The following SLC12A8 variants were observed in gnomAD, a reference collection of about 807,000 sequenced individuals.
SLC12A8 encodes cation-chloride cotransporter 9.
SLC12A8 carries 69 observed loss-of-function variants against 75.6 expected under a neutral mutation model. The observed-to-expected ratio is 0.91, with a 90% CI of 0.75 to 1.11. The LOEUF (loss-of-function observed/expected upper bound fraction) is 1.11. SLC12A8 is among the 50% of genes most tolerant of loss of function. SLC12A8 has a pLI of 0.00. For synonymous variants in SLC12A8, 365 were observed against 372.8 expected (o/e 0.98, Z 0.24); for missense variants, 877 against 896.7 (o/e 0.98, Z 0.28).
intron 5 of SLC12A8, among the ~76,000 whole-genome samples, chr3:125,168,035 A>G (rs955239330): frequency 1.3e-5 from 2 of 152,040 alleles, no homozygotes; most frequent in African/African-American, 2.4e-5. Flanking sequence ...ATCTGGCTTC[A>G]GTGCATAGGA....
chr3:125,202,505 T>C (rs1418908803), intron 2 of SLC12A8, among the ~76,000 whole-genome samples: 1 of 152,132 alleles, frequency 6.6e-6, no homozygotes, highest in Non-Finnish European at 1.5e-5. Flanking sequence ...CCCCAGACGA[T>C]TAAATGATGG....
chr3:125,168,009 T>C (rs1934328265), intron 5 of SLC12A8, among the ~76,000 whole-genome samples: 2 of 152,200 alleles, frequency 1.3e-5, no homozygotes, highest in African/African-American at 4.8e-5. Flanking sequence ...GGCAAAGCAC[T>C]GTTTTACGAA....
chr3:125,193,551 C>A (rs1281428933), intron 2 of SLC12A8, among the ~76,000 whole-genome samples: 1 of 152,204 alleles, frequency 6.6e-6, no homozygotes, highest in African/African-American at 2.4e-5. Flanking sequence ...CTCTGTCCTG[C>A]GTGCTCTCCC....
chr3:125,147,265 G>A (rs1260124065), intron 5 of SLC12A8, among the ~76,000 whole-genome samples: 7 of 152,168 alleles, frequency 4.6e-5, no homozygotes, highest in African/African-American at 1.2e-4. Flanking sequence ...AATGAGAGCC[G>A]GCCTTGAGTG....
chr3:125,135,145 G>A (rs909691681), intron 6 of SLC12A8, among the ~76,000 whole-genome samples: 21 of 152,160 alleles, frequency 1.4e-4, no homozygotes, highest in African/African-American at 1.7e-4. Context: ...CCTCACCCCC[G>A]CGATACTGGT....
chr3:125,194,787 C>A (rs1275108817), intron 2 of SLC12A8, among the ~76,000 whole-genome samples: 1 of 152,258 alleles, frequency 6.6e-6, no homozygotes, highest in Non-Finnish European at 1.5e-5. Context: ...ACTGGTTCCA[C>A]CTGGATTACA....
intron 5 of SLC12A8, among the ~76,000 whole-genome samples, chr3:125,159,319 C>T (rs1175592213): frequency 6.6e-6 from 1 of 152,096 alleles, no homozygotes; most frequent in Non-Finnish European, 1.5e-5. Context: ...TAGTCTCAAA[C>T]CCCTGGACTC....
chr3:125,172,469 C>G (rs1363563696), intron 5 of SLC12A8, among the ~76,000 whole-genome samples: 2 of 152,066 alleles, frequency 1.3e-5, no homozygotes, highest in Non-Finnish European at 2.9e-5. Context: ...GAAATACCAA[C>G]TTGCCAGTGA....
intron 10 of SLC12A8, 37 bp from the exon 11 acceptor site, chr3:125,092,235 A>G: frequency 1.4e-6 from 2 of 1,456,370 alleles, no homozygotes; most frequent in Non-Finnish European, 9.6e-7. Context: ...CCAAATTGCT[A>G]TCAACTCTCT....
intron 5 of SLC12A8, among the ~76,000 whole-genome samples, chr3:125,171,952 G>GA (rs1934410958): frequency 5.2e-4 from 1 of 1,928 alleles, no homozygotes; most frequent in African/African-American, 8.5e-4. Context: ...AAATTAAAAA[G>GA]TAAAAAAAAA....
At chr3:125,146,374 A>G (rs1390762213) in intron 5 of SLC12A8, among the ~76,000 whole-genome samples, 1 of 152,254 alleles carries the variant, frequency 6.6e-6, no homozygotes, top group African/African-American at 2.4e-5. Context: ...CAACAGTGTG[A>G]ATGTAACTAA....
chr3:125,116,720 G>C (rs962028851), intron 8 of SLC12A8, among the ~76,000 whole-genome samples: 7 of 152,154 alleles, frequency 4.6e-5, no homozygotes, highest in African/African-American at 1.7e-4. Flanking sequence ...GTCCCTAAAG[G>C]GTGGAAGGAC....
In SLC12A8 at chr3:125,083,620, G is replaced by T. The variant is rs1183002226; in HGVS notation, c.*270C>A. On this transcript the variant is annotated 3_prime_UTR_variant, in exon 14 of 14. Transcript: ENST00000469902. ...GCCTATAATCCCAGCTACTCAGGAG[G>T]CTGAGGCAGGAGAATTGCTTGAACT... 5 of 326,878 alleles carry T rather than the reference G, an allele frequency of 1.5e-5. No homozygotes were observed. The highest frequency in any genetic ancestry group is 2.9e-5 in the Non-Finnish European group (5 of 174,432). The allele number at this position is 326,878 out of a possible 1,614,324, so 20.2% of individuals were successfully genotyped here.
intron 2 of SLC12A8, among the ~76,000 whole-genome samples, chr3:125,201,170 G>A (rs927277335): frequency 2.6e-5 from 4 of 152,096 alleles, no homozygotes; most frequent in East Asian, 1.9e-4. Flanking sequence ...AGGCTGAGGC[G>A]GGAAGATCAC....
rs1205831323 is a variant in SLC12A8 at position 125,118,822 on chromosome 3, C to T, written c.859G>A (p.Gly287Ser). Residue 287 changes from glycine to serine, a missense_variant, in exon 8 of 14, where the codon GGC (glycine) becomes AGC (serine). Gly to Ser is a moderately conservative substitution (Grantham distance 56, BLOSUM62 0). Coordinates refer to ENST00000469902, the MANE Select transcript of SLC12A8 (RefSeq NM_024628.6). Reference protein sequence around the residue: ...FLYIIFVFLLGAICTREALRY... With the variant: ...FLYIIFVFLLSAICTREALRY... ...AGGGCCTCTCGAGTGCAGATGGCGCCCAGGAGGAAGACGAAGATGATGTAC... is the reference window on the plus strand; with the variant it reads ...AGGGCCTCTCGAGTGCAGATGGCGCTCAGGAGGAAGACGAAGATGATGTAC... 1.2e-6 allele frequency: 2 copies of T among 1,613,688 alleles called. No homozygotes were observed. The highest frequency in any genetic ancestry group is 1.7e-6 in the Non-Finnish European group (2 of 1,179,832).
chr3:125,100,501 A>G (rs1288124289), intron 10 of SLC12A8, among the ~76,000 whole-genome samples: 2 of 151,608 alleles, frequency 1.3e-5, no homozygotes, highest in African/African-American at 4.8e-5. Flanking sequence ...TCCACCTCCC[A>G]GGTTCAAGTG....
intron 2 of SLC12A8, among the ~76,000 whole-genome samples, chr3:125,208,670 T>C (rs1393600964): frequency 6.6e-6 from 1 of 150,846 alleles, no homozygotes; most frequent in Non-Finnish European, 1.5e-5. Context: ...AGGCAGCACA[T>C]GCACCCTCGA....
chr3:125,121,131 G>A (rs1933049157), intron 6 of SLC12A8, among the ~76,000 whole-genome samples: 1 of 152,076 alleles, frequency 6.6e-6, no homozygotes, highest in Admixed American at 6.6e-5. Flanking sequence ...GTGTCCTCGG[G>A]GTCAGGTACC....
At chr3:125,204,844 A>G (rs1470866586) in intron 2 of SLC12A8, among the ~76,000 whole-genome samples, 1 of 152,120 alleles carries the variant, frequency 6.6e-6, no homozygotes, top group Non-Finnish European at 1.5e-5. Flanking sequence ...GTACCCCCAT[A>G]AATACGTATA....
Sources: gnomAD v4.1 joint callset for allele counts (sites outside exome capture counted in the v4.1 genomes callset) on GRCh38, gnomAD v4.1.1 for gene constraint, MANE v1.5 for transcripts, NCBI Gene and HGNC (gene_info 2026-07-23, HGNC 2026-07-21) for gene names.